The following LUZP2 variants were observed in gnomAD, a reference collection of about 807,000 sequenced individuals.
LUZP2 encodes the protein leucine zipper protein 2.
A neutral mutation model predicts 51.6 loss-of-function variants in LUZP2; 52 were observed. That is an observed-to-expected ratio of 1.01 (90% CI 0.81 to 1.27). The LOEUF is 1.27. Ranked by LOEUF, LUZP2 falls within the 50% of genes most tolerant of loss-of-function variation. The probability of loss-of-function intolerance (pLI) is 0.00; values close to 1 mark genes in which losing one functional copy is unlikely to be tolerated. For missense variants in LUZP2, 436 were observed against 395.4 expected (o/e 1.10, Z -0.87); for synonymous variants, 154 against 137.3 (o/e 1.12, Z -0.85).
At chr11:24,528,503 TTTA>T (rs1258152073) in intron 1 of LUZP2, among the ~76,000 whole-genome samples, 1 of 151,352 alleles carries the variant, frequency 6.6e-6, no homozygotes, top group African/African-American at 2.4e-5. Context: ...TCTCTTTCTT[TTTA>T]TTATTTTATT....
At chr11:24,646,789 T>C (rs1335967894) in intron 1 of LUZP2, among the ~76,000 whole-genome samples, 3 of 152,064 alleles carry the variant, frequency 2.0e-5, no homozygotes, top group Admixed American at 2.0e-4. Context: ...CTCATGTCAC[T>C]GGTCTGTGTC....
chr11:25,075,753 C>T (rs928397862), intron 10 of LUZP2, among the ~76,000 whole-genome samples: 2 of 151,974 alleles, frequency 1.3e-5, no homozygotes, highest in African/African-American at 4.8e-5. Context: ...GAGAAACGTA[C>T]AGATACATGG....
At chr11:25,006,034 T>A (rs1404650320) in intron 9 of LUZP2, among the ~76,000 whole-genome samples, 1 of 152,128 alleles carries the variant, frequency 6.6e-6, no homozygotes, top group Non-Finnish European at 1.5e-5. Context: ...ATAGGAAGGA[T>A]ACAATTTCTG....
chr11:25,001,922 C>T (rs34172484), intron 9 of LUZP2, among the ~76,000 whole-genome samples: 17,964 of 152,050 alleles, frequency 0.12, 1,436 homozygotes, highest in Non-Finnish European at 0.17. Context: ...TGCTGTTCTC[C>T]CTTCTCCTTT....
chr11:24,895,806 ATG>A (rs1853023921), intron 5 of LUZP2, among the ~76,000 whole-genome samples: 1 of 152,178 alleles, frequency 6.6e-6, no homozygotes, highest in Non-Finnish European at 1.5e-5. Context: ...ATGTGAGTGC[ATG>A]TGTCTTTTGG....
intron 5 of LUZP2, among the ~76,000 whole-genome samples, chr11:24,821,593 C>G (rs1450230186): frequency 6.6e-6 from 1 of 152,040 alleles, no homozygotes; most frequent in Non-Finnish European, 1.5e-5. Flanking sequence ...GTAAACATAA[C>G]TGAGTAGTTT....
At chr11:24,946,916 A>G (rs549865695) in intron 7 of LUZP2, among the ~76,000 whole-genome samples, 1 of 152,120 alleles carries the variant, frequency 6.6e-6, no homozygotes, top group East Asian at 1.9e-4. Flanking sequence ...ATATTCATAT[A>G]TGCATACATA....
At chr11:24,786,648 C>T (rs2716465) in intron 5 of LUZP2, 121,183 of 150,528 alleles carry the variant, frequency 0.81, 48,854 homozygotes, top group East Asian at 0.86. Context: ...TTATATACCA[C>T]ATAGGTATAT....
chr11:24,722,672 C>A (rs1020142017), intron 1 of LUZP2, among the ~76,000 whole-genome samples: 1 of 152,092 alleles, frequency 6.6e-6, no homozygotes, highest in African/African-American at 2.4e-5. Context: ...AATCCCAGCA[C>A]TTTGGGAGGC....
chr11:24,737,443 A>G (rs1463770226), intron 3 of LUZP2, among the ~76,000 whole-genome samples: 8 of 152,050 alleles, frequency 5.3e-5, no homozygotes, highest in Admixed American at 5.3e-4. Context: ...ACATACAAAC[A>G]CAAACAAGTA....
chr11:24,899,363 A>G (rs1853198486), intron 5 of LUZP2, among the ~76,000 whole-genome samples: 1 of 151,976 alleles, frequency 6.6e-6, no homozygotes, highest in Admixed American at 6.6e-5. Flanking sequence ...GAAGTGGTAC[A>G]ATATCAATTC....
chr11:24,640,168 A>G (rs915849176), intron 1 of LUZP2, among the ~76,000 whole-genome samples: 7 of 151,922 alleles, frequency 4.6e-5, no homozygotes, highest in Non-Finnish European at 1.0e-4. Context: ...TGTAAACCTC[A>G]AAGAGCTAAA....
chr11:24,623,716 C>T (rs1565036239), intron 1 of LUZP2, among the ~76,000 whole-genome samples: 1 of 151,884 alleles, frequency 6.6e-6, no homozygotes, highest in Non-Finnish European at 1.5e-5. Context: ...GAGTGGTGGC[C>T]GGTGCCTGTA....
At chr11:24,728,894 C>T (rs1261678208) in intron 1 of LUZP2, among the ~76,000 whole-genome samples, 1 of 151,922 alleles carries the variant, frequency 6.6e-6, no homozygotes, top group Admixed American at 6.6e-5. Flanking sequence ...AGACGAAAGG[C>T]ATGTCTTACA....
At chr11:24,645,680 A>T (rs762713393) in intron 1 of LUZP2, among the ~76,000 whole-genome samples, 7 of 151,864 alleles carry the variant, frequency 4.6e-5, no homozygotes, top group Non-Finnish European at 1.0e-4. Context: ...AATAGCTTTC[A>T]CAAAAAATTA....
intron 7 of LUZP2, among the ~76,000 whole-genome samples, chr11:24,963,782 C>G (rs569124746): frequency 1.2e-3 from 179 of 152,226 alleles, no homozygotes; most frequent in African/African-American, 4.2e-3. Context: ...CTGACCTGCG[C>G]CCACTGTCTG....
chr11:25,065,685 T>C (rs992087704), intron 10 of LUZP2, among the ~76,000 whole-genome samples: 5 of 151,940 alleles, frequency 3.3e-5, no homozygotes, highest in African/African-American at 9.7e-5. Flanking sequence ...CCAGGAAGAA[T>C]TAAAAGAATG....
intron 5 of LUZP2, among the ~76,000 whole-genome samples, chr11:24,779,204 T>A (rs2631401): frequency 3.9e-5 from 6 of 151,910 alleles, no homozygotes; most frequent in Non-Finnish European, 8.8e-5. Flanking sequence ...CATTATTTTC[T>A]GCGTTATTTC....
chr11:24,841,835 A>G (rs929315472), intron 5 of LUZP2, among the ~76,000 whole-genome samples: 10 of 152,084 alleles, frequency 6.6e-5, no homozygotes, highest in African/African-American at 2.2e-4. Context: ...GACAATGAGC[A>G]AAGGGACAGA....
Sources: allele counts gnomAD v4.1 joint callset (sites outside exome capture counted in the v4.1 genomes callset), GRCh38; gene constraint gnomAD v4.1.1; transcripts MANE v1.5; gene names NCBI Gene and HGNC (gene_info 2026-07-23, HGNC 2026-07-21).